The following DIP2C variants were observed in gnomAD, a reference collection of about 807,000 sequenced individuals.
DIP2C encodes the protein DIP2 acetate--CoA ligase C (putative).
In DIP2C, 33 loss-of-function variants were observed where a neutral mutation model predicts 192.4. The observed-to-expected ratio is 0.17, with a 90% CI of 0.13 to 0.23. DIP2C has a LOEUF of 0.23. DIP2C is among the 10% of genes least tolerant of loss of function. The pLI, the probability that DIP2C is intolerant of heterozygous loss-of-function variation, is 1.00. For synonymous variants in DIP2C, 979 were observed against 864.1 expected, an observed-to-expected ratio of 1.13 and a Z score of -2.33; for missense variants, 1,537 against 2,110.1, an observed-to-expected ratio of 0.73 and a Z score of 5.32.
chr10:315,466 G>C (rs900461825), intron 31 of DIP2C, among the ~76,000 whole-genome samples: 1 of 152,174 alleles, frequency 6.6e-6, no homozygotes, highest in African/African-American at 2.4e-5. Flanking sequence ...CCATTCTGAA[G>C]GATCTCCTGC....
intron 14 of DIP2C, among the ~76,000 whole-genome samples, chr10:386,589 G>A (rs1229200775): frequency 1.3e-5 from 2 of 152,230 alleles, no homozygotes; most frequent in Non-Finnish European, 2.9e-5. Context: ...AGACTTGAGA[G>A]ACGACCTGTG....
At chr10:495,574 A>C (rs1213791554) in intron 1 of DIP2C, among the ~76,000 whole-genome samples, 4 of 152,138 alleles carry the variant, frequency 2.6e-5, no homozygotes, top group African/African-American at 9.7e-5. Flanking sequence ...AGTGAACAAA[A>C]AAAAAAAAAT....
intron 29 of DIP2C, chr10:340,885 C>T (rs780076552): frequency 2.1e-6 from 1 of 480,256 alleles, no homozygotes; most frequent in South Asian, 1.5e-5. Flanking sequence ...GGCCCAGCAC[C>T]ATCGCCAGGT....
chr10:357,393 A>T (rs1959132727), intron 23 of DIP2C, among the ~76,000 whole-genome samples: 1 of 152,096 alleles, frequency 6.6e-6, no homozygotes, highest in South Asian at 2.1e-4. Context: ...GTGGGCTTTG[A>T]ATCCGGGCTG....
At chr10:297,835 C>T (rs912535642) in intron 32 of DIP2C, among the ~76,000 whole-genome samples, 19 of 152,128 alleles carry the variant, frequency 1.2e-4, no homozygotes, top group Admixed American at 6.6e-4. Context: ...AAATGATGCA[C>T]GCTCCCGATC....
intron 5 of DIP2C, among the ~76,000 whole-genome samples, chr10:422,180 T>A (rs546190711): frequency 1.3e-5 from 2 of 152,320 alleles, no homozygotes; most frequent in African/African-American, 4.8e-5. Context: ...AAAACCCTAT[T>A]CAACCCAAGT....
intron 1 of DIP2C, chr10:649,892 T>G (rs924890396): frequency 1.7e-5 from 10 of 574,134 alleles, no homozygotes; most frequent in East Asian, 1.5e-4. Flanking sequence ...GGTCCCCTTG[T>G]GGGGGGGTGC....
chr10:622,649 G>A (rs1853943555), intron 1 of DIP2C, among the ~76,000 whole-genome samples: 1 of 152,156 alleles, frequency 6.6e-6, no homozygotes, highest in African/African-American at 2.4e-5. Flanking sequence ...CTCTATGCTT[G>A]AGTCCATTTG....
chr10:422,739 C>G (rs1397025351), intron 5 of DIP2C, 85 bp downstream of exon 5: 10 of 1,477,124 alleles, frequency 6.8e-6, no homozygotes, highest in Non-Finnish European at 9.1e-6. Flanking sequence ...CCGAGGGATT[C>G]CGCTGCAACG....
chr10:278,877 A>C (rs1415255689), intron 36 of DIP2C, among the ~76,000 whole-genome samples: 2 of 152,148 alleles, frequency 1.3e-5, no homozygotes, highest in African/African-American at 2.4e-5. Flanking sequence ...GGAGGCCAGA[A>C]GGTTCCCGGG....
At chr10:346,527 C>T (rs562307113) in intron 26 of DIP2C, among the ~76,000 whole-genome samples, 2 of 141,268 alleles carry the variant, frequency 1.4e-5, no homozygotes, top group South Asian at 2.3e-4. Flanking sequence ...ATAGTTCTCC[C>T]GGAAACCCCA....
chr10:522,537 G>GC (rs1240411338), intron 1 of DIP2C, among the ~76,000 whole-genome samples: 1 of 152,222 alleles, frequency 6.6e-6, no homozygotes, highest in Non-Finnish European at 1.5e-5. Flanking sequence ...GGGTCCTGAT[G>GC]CCCCACACGC....
chr10:594,493 G>A (rs372366389), intron 1 of DIP2C, among the ~76,000 whole-genome samples: 30 of 146,676 alleles, frequency 2.0e-4, no homozygotes, highest in African/African-American at 6.9e-4. Context: ...GAACATGGCC[G>A]AGTACAAACC....
intron 3 of DIP2C, among the ~76,000 whole-genome samples, chr10:442,321 T>C (rs1256492756): frequency 1.3e-5 from 2 of 152,082 alleles, no homozygotes; most frequent in East Asian, 3.9e-4. Context: ...AATCAGCTCA[T>C]CACACTGCTT....
At chr10:686,285 C>T (rs1359741279) in intron 1 of DIP2C, among the ~76,000 whole-genome samples, 1 of 151,888 alleles carries the variant, frequency 6.6e-6, no homozygotes, top group Non-Finnish European at 1.5e-5. Context: ...TCCTCAGCCA[C>T]AGGGCCTCCG....
intron 10 of DIP2C, among the ~76,000 whole-genome samples, chr10:395,210 G>C (rs1963894569): frequency 6.6e-6 from 1 of 151,932 alleles, no homozygotes; most frequent in Non-Finnish European, 1.5e-5. Flanking sequence ...ATTGGAGGAA[G>C]AGGTTTTGAG....
chr10:372,436 T>C (rs971915125), intron 17 of DIP2C, among the ~76,000 whole-genome samples: 4 of 152,232 alleles, frequency 2.6e-5, no homozygotes, highest in African/African-American at 4.8e-5. Context: ...CATTTAATAA[T>C]TGAATATGTT....
intron 14 of DIP2C, among the ~76,000 whole-genome samples, chr10:386,682 T>C (rs761221908): frequency 1.1e-4 from 17 of 152,236 alleles, no homozygotes; most frequent in Non-Finnish European, 2.2e-4. Flanking sequence ...CCTCTTCACA[T>C]GAATTCTGGT....
chr10:560,354 C>T (rs915832661), intron 1 of DIP2C, among the ~76,000 whole-genome samples: 1 of 151,394 alleles, frequency 6.6e-6, no homozygotes, highest in African/African-American at 2.4e-5. Context: ...AGCTGCACAA[C>T]ACAAGAGACA....
Sources: gnomAD v4.1 joint callset for allele counts (sites outside exome capture counted in the v4.1 genomes callset) on GRCh38, gnomAD v4.1.1 for gene constraint, MANE v1.5 for transcripts, NCBI Gene and HGNC (gene_info 2026-07-23, HGNC 2026-07-21) for gene names.